TSGA10: variants seen among roughly 807,000 people sequenced by gnomAD.
TSGA10 encodes testis-specific gene 10 protein.
TSGA10 carries 43 observed loss-of-function variants against 96.6 expected under a neutral mutation model. The ratio of observed to expected loss-of-function variants is 0.44; its 90% CI spans 0.35 to 0.57. The LOEUF is 0.57. TSGA10 is among the 20% of genes least tolerant of loss of function. The probability of loss-of-function intolerance (pLI) is 0.01; values close to 1 mark genes in which losing one functional copy is unlikely to be tolerated. For missense variants in TSGA10, 703 were observed against 834.4 expected (o/e 0.84, Z 1.94); for synonymous variants, 229 against 269.9 (o/e 0.85, Z 1.48).
intron 14 of TSGA10, 58 bp from the exon 15 acceptor site, chr2:99,069,056 A>G (rs2085617966): frequency 1.2e-6 from 1 of 809,162 alleles, no homozygotes; most frequent in East Asian, 3.1e-5. Flanking sequence ...CTATATCTCA[A>G]AAATACCATA....
chr2:99,008,296 T>C (rs2078681159), intron 20 of TSGA10, among the ~76,000 whole-genome samples: 2 of 152,122 alleles, frequency 1.3e-5, no homozygotes, highest in Non-Finnish European at 2.9e-5. Flanking sequence ...GTAGCATATA[T>C]CACCAATAAA....
At chr2:99,111,584 A>G (rs552760504) in intron 4 of TSGA10, among the ~76,000 whole-genome samples, 10 of 152,214 alleles carry the variant, frequency 6.6e-5, no homozygotes, top group African/African-American at 2.4e-4. Flanking sequence ...AATTCTCTGG[A>G]ATTATTGTAC....
At chr2:99,098,687 A>C (rs4851186) in intron 10 of TSGA10, among the ~76,000 whole-genome samples, 4,086 of 152,114 alleles carry the variant, frequency 0.027, 245 homozygotes, top group Admixed American at 0.13. Context: ...GAATAGAAAA[A>C]CAGGAAATAA....
chr2:99,103,853 A>T, intron 10 of TSGA10, 114 bp downstream of exon 10: 1 of 1,301,750 alleles, frequency 7.7e-7, no homozygotes, highest in Non-Finnish European at 1.0e-6. Flanking sequence ...ACTGCTTTTC[A>T]ATAATCCTCT....
Position 99,109,436 on chromosome 2 carries a change from T to A in TSGA10, c.4A>T (p.Met2Leu). 1 of 1,613,954 alleles carries A rather than the reference T, an allele frequency of 6.2e-7. No homozygotes were observed. The highest frequency in any genetic ancestry group is 2.2e-5 in the East Asian group (1 of 44,856). ...CTTGGACTTTTAGACCTACTTCGCA[T>A]CATCTTTCTCAAATGTTGAGCTTCA... M[M>L]RSRSKSPRRP... Residue 2 changes from methionine (M) to leucine (L), a missense_variant, in exon 6 of 21, where the codon ATG becomes TTG. Around this residue, in one of 3 missense-constraint regions of TSGA10, gnomAD observed 585 missense variants for 656.8 expected, o/e 0.89. Transcript: ENST00000393483.
rs867234389 is a variant in TSGA10 at position 99,009,520 on chromosome 2, C to T, written c.2072+8680G>A. 2.9e-4 allele frequency among the ~76,000 whole-genome samples: 41 copies of T among 141,600 alleles called. 2 individuals are homozygous for T. Among genetic ancestry groups the T allele is most frequent in the African/African-American group, 1.0e-3 (39 of 37,904 alleles). 92.9% of individuals were successfully genotyped at this position (141,600 alleles called of 152,430 possible). A position where few individuals can be genotyped will look rare whatever the true frequency, so the allele number is the denominator to read the frequency against. ...CTGGGAGGCGGAGCTTGCAGTGAGC[C>T]GAGATCGCACCACTGCACTCCAGCC... On this transcript the variant is annotated intron_variant, in intron 20 of 20. Transcript: ENST00000393483.
chr2:99,047,356 C>T (rs1482429547), intron 16 of TSGA10, among the ~76,000 whole-genome samples: 4 of 152,154 alleles, frequency 2.6e-5, no homozygotes, highest in Admixed American at 1.3e-4. Context: ...TCCAGCAGTA[C>T]GTCAGAAAGC....
intron 1 of TSGA10, among the ~76,000 whole-genome samples, chr2:99,135,171 G>A (rs573684252): frequency 7.2e-5 from 11 of 152,362 alleles, no homozygotes; most frequent in African/African-American, 2.4e-4. Context: ...GTCTGCTGAA[G>A]CTGCACCCAC....
intron 1 of TSGA10, chr2:99,150,604 C>T: frequency 1.2e-6 from 2 of 1,613,622 alleles, no homozygotes; most frequent in Non-Finnish European, 1.7e-6. Context: ...ATCTGCTATA[C>T]ATATGGATTC....
chr2:99,046,227 T>G (rs936034047), intron 16 of TSGA10, among the ~76,000 whole-genome samples: 1 of 152,146 alleles, frequency 6.6e-6, no homozygotes, highest in Non-Finnish European at 1.5e-5. Flanking sequence ...GCAGACCTAA[T>G]AGACATCTAC....
intron 10 of TSGA10, among the ~76,000 whole-genome samples, chr2:99,095,247 G>C (rs962131134): frequency 6.6e-6 from 1 of 152,090 alleles, no homozygotes; most frequent in Non-Finnish European, 1.5e-5. Context: ...GGATTTAGGG[G>C]AAAGGATGGG....
intron 16 of TSGA10, among the ~76,000 whole-genome samples, chr2:99,041,991 T>C (rs990206210): frequency 1.3e-5 from 2 of 148,402 alleles, no homozygotes; most frequent in Admixed American, 6.7e-5. Context: ...AAACAAACAA[T>C]CTGATCAAAA....
intron 16 of TSGA10, among the ~76,000 whole-genome samples, chr2:99,050,881 A>G (rs1049879085): frequency 6.6e-6 from 1 of 152,018 alleles, no homozygotes; most frequent in Non-Finnish European, 1.5e-5. Flanking sequence ...ATAAGATTAT[A>G]ATATCATATT....
At chr2:99,118,514 T>G in intron 3 of TSGA10, 37 bp downstream of exon 3, 4 of 930,658 alleles carry the variant, frequency 4.3e-6, no homozygotes, top group Non-Finnish European at 5.1e-6. Flanking sequence ...TATTATTAAC[T>G]TTTTAAAAAG....
intron 1 of TSGA10, chr2:99,147,249 C>T: frequency 2.1e-6 from 1 of 473,928 alleles, no homozygotes; most frequent in South Asian, 4.5e-5. Flanking sequence ...GATCTTTCCA[C>T]CTTGGCCTCC....
chr2:99,028,431 T>C (rs1379573831), intron 17 of TSGA10, among the ~76,000 whole-genome samples: 1 of 152,184 alleles, frequency 6.6e-6, no homozygotes. Context: ...CTAACTAACA[T>C]ATCCATCACC....
At chr2:99,105,056 T>C (rs1168007206) in intron 9 of TSGA10, among the ~76,000 whole-genome samples, 1 of 152,194 alleles carries the variant, frequency 6.6e-6, no homozygotes, top group Non-Finnish European at 1.5e-5. Flanking sequence ...CATCTGGCAA[T>C]ATTATCTTTA....
At chr2:99,010,126 A>C (rs2078883722) in intron 20 of TSGA10, among the ~76,000 whole-genome samples, 1 of 152,338 alleles carries the variant, frequency 6.6e-6, no homozygotes, top group South Asian at 2.1e-4. Flanking sequence ...TTGTGGTGCT[A>C]TAACAACCAA....
chr2:99,150,100 G>A (rs2093677962), intron 1 of TSGA10, among the ~76,000 whole-genome samples: 1 of 152,124 alleles, frequency 6.6e-6, no homozygotes. Flanking sequence ...CCAATCACAA[G>A]TATCTTTATA....
Sources: allele counts gnomAD v4.1 joint callset (sites outside exome capture counted in the v4.1 genomes callset), GRCh38; gene constraint gnomAD v4.1.1; regional missense constraint gnomAD v4.1.1; transcripts MANE v1.5; gene names NCBI Gene and HGNC (gene_info 2026-07-23, HGNC 2026-07-21).